GAK: variants seen among roughly 807,000 people sequenced by gnomAD.
GAK encodes cyclin-G-associated kinase.
In GAK, 79 loss-of-function variants were observed where a neutral mutation model predicts 143.9. The observed-to-expected ratio is 0.55, with a 90% CI of 0.46 to 0.66. The LOEUF is 0.66. Among genes scored for constraint, GAK ranks in the 30% least tolerant of loss-of-function variants. GAK has a pLI of 0.00. For synonymous variants in GAK, 881 were observed against 765.5 expected (o/e 1.15, Z -2.49); for missense variants, 1,693 against 1,779.7 (o/e 0.95, Z 0.88).
rs1749837935 is a variant in GAK at position 859,269 on chromosome 4, G to C, written c.3283+337C>G. On this transcript the variant is annotated intron_variant, in intron 24 of 27. Transcript: ENST00000314167. The stretch of plus-strand genomic sequence containing the variant: ...AGCACGCTCCGAGCACAGCCTCGGG[G>C]ACTGAGCAGAGCCCAGCTACACCCC... 3.2e-6 allele frequency: 4 copies of C among 1,247,278 alleles called. No individual in the cohort carries two copies. The African/African-American group carries it at 4.6e-5, about 14-fold the overall frequency. The allele number at this position is 1,247,278 out of a possible 1,614,324, so 77.3% of individuals were successfully genotyped here. A position where few individuals can be genotyped will look rare whatever the true frequency, so the allele number is the denominator to read the frequency against.
In GAK at chr4:882,967, G is replaced by A; in HGVS notation, c.1405-148C>T. The A allele has an allele frequency of 2.9e-6, 3 of 1,020,322 alleles. No individual in the cohort carries two copies. In the South Asian group the frequency reaches 4.8e-5, roughly 16 times the overall value. 63.2% of individuals were successfully genotyped at this position (1,020,322 alleles called of 1,614,324 possible). On this transcript the variant is annotated intron_variant, in intron 13 of 27. Transcript: ENST00000314167. ...CCACCTGCGCGAGACCTGAGCACCA[G>A]GGCTGCCACTGGCCTTGCAGACAGA... is the stretch of plus-strand genomic sequence containing the variant.
In GAK at chr4:904,708, A is replaced by AGATCT; in HGVS notation, c.449_453dup (p.Phe152ArgfsTer83). 6.2e-7 allele frequency: 1 copy of AGATCT among 1,614,084 alleles called. No individual in the cohort carries two copies. The highest frequency in any genetic ancestry group is 8.5e-7 in the Non-Finnish European group (1 of 1,179,962). On this transcript the variant is annotated frameshift_variant, in exon 5 of 28. Coordinates refer to ENST00000314167, the MANE Select transcript of GAK (RefSeq NM_005255.4). LOFTEE classifies it high-confidence loss of function. ...TGCACGGCGCGGCACGTCTGGTAGA[A>AGATCT]GATCTTCAGAACCGTGTCGCACGAA...
intron 1 of GAK, among the ~76,000 whole-genome samples, chr4:926,877 C>G (rs1180933976): frequency 1.0e-4 from 3 of 29,100 alleles, no homozygotes; most frequent in Non-Finnish European, 2.9e-4. Flanking sequence ...GCCCCGCAAC[C>G]CCCCCCACCC....
chr4:866,593 C>A (rs541177819), intron 21 of GAK, 59 bp from the exon 22 acceptor site: 61 of 1,568,444 alleles, frequency 3.9e-5, no homozygotes, highest in South Asian at 3.5e-5. Context: ...ACAAAGGAGC[C>A]CAGCTCTGGA....
chr4:884,817 C>A (rs148656971), intron 11 of GAK, among the ~76,000 whole-genome samples: 1 of 152,208 alleles, frequency 6.6e-6, no homozygotes, highest in African/African-American at 2.4e-5. Flanking sequence ...CTGCGGGGAC[C>A]AGAAAGGCTG....
chr4:922,592 T>G (rs2152968047), intron 1 of GAK, among the ~76,000 whole-genome samples: 1 of 151,570 alleles, frequency 6.6e-6, no homozygotes, highest in Middle Eastern at 3.5e-3. Flanking sequence ...TGACAGCATC[T>G]TGCTCTTGGC....
At chr4:889,162 T>C (rs897727450) in intron 10 of GAK, among the ~76,000 whole-genome samples, 192 bp from the exon 11 acceptor site, 6 of 151,988 alleles carry the variant, frequency 3.9e-5, no homozygotes, top group Non-Finnish European at 8.8e-5. Context: ...GCCAGGCCCC[T>C]GACCCACACG....
At chr4:882,566 G>C (rs973809580) in intron 14 of GAK, 131 bp downstream of exon 14, 1 of 1,188,260 alleles carries the variant, frequency 8.4e-7, no homozygotes, top group African/African-American at 1.5e-5. Flanking sequence ...ACCAAGCACA[G>C]GGACTTTCTT....
chr4:893,321 A>C lies in GAK; in HGVS notation c.990+56T>G, dbSNP rs994076974. 9.4e-6 allele frequency: 12 copies of C among 1,276,168 alleles called. No homozygotes were observed. In the African/African-American group the frequency reaches 1.7e-4, roughly 18 times the overall value. 79.1% of individuals were successfully genotyped at this position (1,276,168 alleles called of 1,614,324 possible). A position where few individuals can be genotyped will look rare whatever the true frequency, so the allele number is the denominator to read the frequency against. ...CCCCTCTGCGGGGGATCTGGGGCTCATGTGTGCCTCCTTCACCACTGCGGG... is the reference window on the plus strand; with the variant it reads ...CCCCTCTGCGGGGGATCTGGGGCTCCTGTGTGCCTCCTTCACCACTGCGGG... On this transcript the variant is annotated intron_variant, in intron 9 of 27. Coordinates refer to ENST00000314167, the MANE Select transcript of GAK (RefSeq NM_005255.4).
chr4:912,340 G>A (rs1028336517), intron 3 of GAK: 469 of 368,190 alleles, frequency 1.3e-3, no homozygotes, highest in Non-Finnish European at 2.1e-3. Context: ...GGGACGAGAG[G>A]GGCGGCTGAG....
rs375901653 is a variant in GAK at position 849,872 on chromosome 4, C to T, written c.3834+20G>A. ...CCCGCCCCTGAAGGCCTCAAGCGGC[C>T]GCCTGGCAGCTCTGCTCACCTTGTC... On this transcript the variant is annotated intron_variant, in intron 27 of 27. Transcript: ENST00000314167. The T allele has an allele frequency of 1.3e-5, 20 of 1,549,946 alleles. No homozygotes were observed. In the Middle Eastern group the frequency reaches 5.3e-4, roughly 41 times the overall value.
intron 1 of GAK, among the ~76,000 whole-genome samples, chr4:919,339 G>C (rs565157393): frequency 6.7e-6 from 1 of 148,976 alleles, no homozygotes; most frequent in African/African-American, 2.5e-5. Context: ...ACCTTAGCAG[G>C]ACAGAAGGCT....
chr4:849,833 G>GGGGGGGGCCCCCCCCCCC, intron 27 of GAK, 59 bp from the exon 28 acceptor site: 1 of 1,190,156 alleles, frequency 8.4e-7, no homozygotes, highest in Non-Finnish European at 1.2e-6. Context: ...GGCGGGGCAG[G>GGGGGGGGCCCCCCCCCCC]ACCCCCCCCC....
intron 5 of GAK, among the ~76,000 whole-genome samples, chr4:902,614 A>AAAACAAAAAAAAAC (rs796109765): frequency 4.0e-5 from 6 of 148,288 alleles, no homozygotes; most frequent in Non-Finnish European, 7.4e-5. Flanking sequence ...AAAAAAAAAA[A>AAAACAAAAAAAAAC]CCCCAAAAAA....
intron 11 of GAK, chr4:887,234 A>ACCCATGCACGCGG (rs1716580109): frequency 8.0e-6 from 1 of 124,936 alleles, no homozygotes; most frequent in Non-Finnish European, 1.8e-5. Flanking sequence ...GCTCACGCGC[A>ACCCATGCACGCGG]CTCACGTGTA....
intron 23 of GAK, among the ~76,000 whole-genome samples, chr4:864,786 C>T (rs1018995317): frequency 3.3e-5 from 5 of 152,166 alleles, no homozygotes; most frequent in East Asian, 3.9e-4. Context: ...AGAGCCAGCA[C>T]GTGGTCCACA....
chr4:907,831 C>T (rs933063397), intron 4 of GAK, among the ~76,000 whole-genome samples: 3 of 152,344 alleles, frequency 2.0e-5, no homozygotes, highest in South Asian at 2.1e-4. Context: ...AGCTCTCAGC[C>T]GCACATGCTG....
intron 18 of GAK, among the ~76,000 whole-genome samples, chr4:875,314 G>A (rs567849233): frequency 5.0e-4 from 76 of 152,218 alleles, no homozygotes; most frequent in Non-Finnish European, 3.5e-4. Flanking sequence ...GTTAAAAAAA[G>A]AAAAGCGTAA....
At chr4:875,874 G>A (rs992365630) in intron 18 of GAK, among the ~76,000 whole-genome samples, 11 of 152,354 alleles carry the variant, frequency 7.2e-5, no homozygotes, top group Admixed American at 6.5e-4. Context: ...CCTGGTGGGT[G>A]GAGTTGCAGT....
Sources: allele counts gnomAD v4.1 joint callset (sites outside exome capture counted in the v4.1 genomes callset), GRCh38; gene constraint gnomAD v4.1.1; transcripts MANE v1.5; gene names NCBI Gene and HGNC (gene_info 2026-07-23, HGNC 2026-07-21).